CCBE1: variants seen among roughly 807,000 people sequenced by gnomAD.
CCBE1 encodes collagen and calcium-binding EGF domain-containing protein 1.
Under a neutral mutation model 50.0 loss-of-function variants are expected in CCBE1, and 37 were observed. The ratio of observed to expected loss-of-function variants is 0.74; its 90% confidence interval spans 0.57 to 0.97. The LOEUF (loss-of-function observed/expected upper bound fraction) is 0.97. Among genes scored for constraint, CCBE1 ranks in the 50% least tolerant of loss-of-function variants. The pLI, the probability that CCBE1 is intolerant of heterozygous loss-of-function variation, is 0.00. For missense variants in CCBE1, 538 were observed against 523.8 expected (o/e 1.03, Z -0.26); for synonymous variants, 234 against 203.7 (o/e 1.15, Z -1.27).
intron 2 of CCBE1, among the ~76,000 whole-genome samples, chr18:59,557,105 C>G (rs1401755468): frequency 6.6e-6 from 1 of 152,196 alleles, no homozygotes; most frequent in African/African-American, 2.4e-5. Flanking sequence ...TCCCACTGAG[C>G]TCAACTTCTC....
intron 2 of CCBE1, among the ~76,000 whole-genome samples, chr18:59,667,593 C>G (rs931242627): frequency 6.6e-6 from 1 of 152,130 alleles, no homozygotes; most frequent in Non-Finnish European, 1.5e-5. Flanking sequence ...CCTAGAAGCA[C>G]GCAGCCAATA....
At chr18:59,547,051 G>GGGGGACAGAA (rs1915717237) in intron 2 of CCBE1, among the ~76,000 whole-genome samples, 1 of 98,378 alleles carries the variant, frequency 1.0e-5, no homozygotes, top group African/African-American at 4.6e-5. Context: ...GGGGGAGAGA[G>GGGGGACAGAA]GGGGAGAGAG....
At chr18:59,622,623 A>G (rs7505601) in intron 2 of CCBE1, among the ~76,000 whole-genome samples, 51,268 of 151,254 alleles carry the variant, frequency 0.34, 9,075 homozygotes, top group East Asian at 0.6. Flanking sequence ...CAACGTGGTG[A>G]AACCCCATCT....
In CCBE1 at chr18:59,435,567, T is replaced by C; in HGVS notation, c.*341A>G. ...TTCCCCCTTTTGATACTCTGCCAAA[T>C]TTAACTTCAAGAATTTATGATTTAA... is the stretch of plus-strand genomic sequence containing the variant. On this transcript the variant is annotated 3_prime_UTR_variant, in exon 11 of 11. Coordinates refer to ENST00000439986, the MANE Select transcript of CCBE1 (RefSeq NM_133459.4). 6.0e-6 allele frequency: 2 copies of C among 334,588 alleles called. No individual in the cohort carries two copies. Among genetic ancestry groups the C allele is most frequent in the Non-Finnish European group, 1.1e-5 (2 of 176,892 alleles). The allele number at this position is 334,588 out of a possible 1,614,324, so 20.7% of individuals were successfully genotyped here.
chr18:59,503,811 C>T (rs574190788), intron 2 of CCBE1, among the ~76,000 whole-genome samples: 32 of 152,284 alleles, frequency 2.1e-4, no homozygotes, highest in African/African-American at 7.7e-4. Flanking sequence ...CTTTATCTTC[C>T]CATCATGACC....
intron 2 of CCBE1, among the ~76,000 whole-genome samples, chr18:59,687,272 T>C (rs2054667810): frequency 6.6e-6 from 1 of 152,214 alleles, no homozygotes; most frequent in Non-Finnish European, 1.5e-5. Context: ...AAGCTTACAT[T>C]TGTCTATCTA....
At chr18:59,606,124 GCTTAATT>G (rs1333384626) in intron 2 of CCBE1, among the ~76,000 whole-genome samples, 1 of 152,176 alleles carries the variant, frequency 6.6e-6, no homozygotes, top group East Asian at 1.9e-4. Context: ...GTAATAACAC[GCTTAATT>G]CTTAACTGTC....
intron 2 of CCBE1, among the ~76,000 whole-genome samples, chr18:59,543,566 TG>T (rs1392473650): frequency 6.6e-6 from 1 of 152,018 alleles, no homozygotes; most frequent in East Asian, 1.9e-4. Context: ...CCGGGCGCGG[TG>T]GCTCACGTCT....
intron 2 of CCBE1, among the ~76,000 whole-genome samples, chr18:59,613,785 C>T (rs1436269019): frequency 6.6e-6 from 1 of 150,518 alleles, no homozygotes; most frequent in African/African-American, 2.4e-5. Context: ...TAATGACTTT[C>T]ACAATCCCAC....
chr18:59,646,534 A>ATTC (rs1440598350), intron 2 of CCBE1, among the ~76,000 whole-genome samples: 2 of 152,200 alleles, frequency 1.3e-5, no homozygotes, highest in African/African-American at 4.8e-5. Flanking sequence ...ATCTAAAATA[A>ATTC]TTCTTCTCAA....
chr18:59,628,997 G>T lies in CCBE1; in HGVS notation c.212+67632C>A, dbSNP rs187042105. 4.9e-4 allele frequency among the ~76,000 whole-genome samples: 75 copies of T among 152,230 alleles called. 2 individuals carry two copies. In the East Asian group the frequency reaches 0.013, roughly 26 times the overall value. On this transcript the variant is annotated intron_variant, in intron 2 of 10. Transcript: ENST00000439986. ...CATTATCACTGCCACAGCCTCCTAA[G>T]GGATCCCATTTATACCCTTTTCCCC... is the stretch of plus-strand genomic sequence containing the variant.
chr18:59,623,296 T>C (rs926014219), intron 2 of CCBE1, among the ~76,000 whole-genome samples: 2 of 152,204 alleles, frequency 1.3e-5, no homozygotes, highest in African/African-American at 2.4e-5. Context: ...TCTGTGTCTA[T>C]CTTGGGTCCT....
intron 2 of CCBE1, among the ~76,000 whole-genome samples, chr18:59,685,452 C>A (rs2054642356): frequency 1.3e-5 from 2 of 152,182 alleles, no homozygotes; most frequent in South Asian, 4.1e-4. Flanking sequence ...GCAAAGGACA[C>A]AAGAGACCCT....
intron 5 of CCBE1, among the ~76,000 whole-genome samples, chr18:59,456,503 A>G (rs1342559850): frequency 6.6e-6 from 1 of 152,172 alleles, no homozygotes; most frequent in Non-Finnish European, 1.5e-5. Context: ...GCCAAGGAAC[A>G]CCAAAAATTG....
rs150832445 is a variant in CCBE1 at position 59,619,572 on chromosome 18, T to C, written c.212+77057A>G. ...TGTGTATTATATATAAAGTCTCAGA[T>C]GTAAAGTTCTTTCTATGATTTATCC... On this transcript the variant is annotated intron_variant, in intron 2 of 10. Transcript: ENST00000439986. Among the ~76,000 whole-genome samples the C allele has an allele frequency of 4.6e-5, 7 of 152,370 alleles. No individual in the cohort carries two copies. In the East Asian group the frequency reaches 1.3e-3, roughly 29 times the overall value.
chr18:59,665,317 T>C (rs950794630), intron 2 of CCBE1, among the ~76,000 whole-genome samples: 3 of 152,174 alleles, frequency 2.0e-5, no homozygotes, highest in Admixed American at 6.5e-5. Flanking sequence ...AGAAGGTGTA[T>C]TGACTTCAGC....
chr18:59,590,082 A>T (rs1213154867), intron 2 of CCBE1, among the ~76,000 whole-genome samples: 1 of 152,188 alleles, frequency 6.6e-6, no homozygotes, highest in Admixed American at 6.6e-5. Flanking sequence ...GTGAAACGCG[A>T]ATTTCCACTA....
intron 2 of CCBE1, among the ~76,000 whole-genome samples, chr18:59,651,403 G>A (rs2054126490): frequency 6.6e-6 from 1 of 152,194 alleles, no homozygotes; most frequent in Admixed American, 6.5e-5. Flanking sequence ...TTTTGGGACA[G>A]GTTTTTAAAC....
intron 2 of CCBE1, among the ~76,000 whole-genome samples, chr18:59,679,445 T>C (rs2054555751): frequency 6.6e-6 from 1 of 152,202 alleles, no homozygotes; most frequent in South Asian, 2.1e-4. Flanking sequence ...TGCTGACATA[T>C]GTAGTGGTAA....
Sources: gnomAD v4.1 joint callset for allele counts (sites outside exome capture counted in the v4.1 genomes callset) on GRCh38, gnomAD v4.1.1 for gene constraint, MANE v1.5 for transcripts, NCBI Gene and HGNC (gene_info 2026-07-23, HGNC 2026-07-21) for gene names.